STK11IP: variants seen among roughly 807,000 people sequenced by gnomAD.
STK11IP encodes serine/threonine kinase 11 interacting protein, also known as serine/threonine-protein kinase 11-interacting protein.
STK11IP carries 103 observed loss-of-function variants against 131.7 expected under a neutral mutation model. The ratio of observed to expected loss-of-function variants is 0.78; its 90% CI spans 0.67 to 0.92. STK11IP has a LOEUF of 0.92. Ranked by LOEUF, STK11IP falls within the 40% of genes least tolerant of loss-of-function variation. STK11IP has a pLI of 0.00. For missense variants in STK11IP, 1,315 were observed against 1,385.7 expected, an observed-to-expected ratio of 0.95 and a Z score of 0.81; for synonymous variants, 557 against 575.6, an observed-to-expected ratio of 0.97 and a Z score of 0.46.
At chr2:219,606,594 C>G (rs531208004) in intron 11 of STK11IP, 77 bp downstream of exon 11, 28 of 1,606,684 alleles carry the variant, frequency 1.7e-5, no homozygotes, top group Non-Finnish European at 2.3e-5. Context: ...AGAGGGCTGG[C>G]TGGTGACAGG....
chr2:219,611,900 G>C (rs1698408638), intron 18 of STK11IP, 55 bp from the exon 19 acceptor site: 5 of 1,575,146 alleles, frequency 3.2e-6, no homozygotes, highest in Non-Finnish European at 4.3e-6. Flanking sequence ...TGGGGAGGTG[G>C]AGATGGAGCC....
intron 13 of STK11IP, among the ~76,000 whole-genome samples, chr2:219,607,643 G>A (rs1420180053): frequency 1.3e-5 from 2 of 151,930 alleles, no homozygotes; most frequent in Admixed American, 6.6e-5. Flanking sequence ...TGGTGACAGA[G>A]TAAGACCTTA....
rs1180851236 is a variant in STK11IP at position 219,608,614 on chromosome 2, C to T, written c.1635C>T (p.Pro545=). 7 of 1,609,420 alleles carry T rather than the reference C, an allele frequency of 4.3e-6. No individual in the cohort carries two copies. The highest frequency in any genetic ancestry group is 5.9e-6 in the Non-Finnish European group (7 of 1,177,266). ...AELCRPLLVC[P]LEGPEGVRGR... is the part of the protein sequence containing the mutation. Reference sequence around the variant, plus strand: ...TCTGTCGCCCCTTGTTGGTGTGTCCCCTGGAGGGGCCTGAGGGCGTACGGG... The same window carrying T: ...TCTGTCGCCCCTTGTTGGTGTGTCCTCTGGAGGGGCCTGAGGGCGTACGGG... The change falls in exon 15 of 25, where the codon CCC becomes CCT. Residue 545 remains proline, a synonymous_variant. Coordinates refer to ENST00000456909, the MANE Select transcript of STK11IP (RefSeq NM_052902.4).
chr2:219,607,871 C>T (rs902587881), intron 13 of STK11IP, among the ~76,000 whole-genome samples, 176 bp from the exon 14 acceptor site: 1 of 152,138 alleles, frequency 6.6e-6, no homozygotes, highest in African/African-American at 2.4e-5. Context: ...CATGTGACCA[C>T]AGGGTTCCAT....
chr2:219,607,270 T>C (rs972583742), intron 13 of STK11IP, 133 bp downstream of exon 13: 6 of 856,208 alleles, frequency 7.0e-6, no homozygotes, highest in Non-Finnish European at 1.1e-5. Flanking sequence ...CTTCTTAGTC[T>C]TTTTTCTTTT....
Position 219,605,593 on chromosome 2 carries a change from C to T in STK11IP, c.619-15C>T, listed in dbSNP as rs1326866695. 1.9e-6 allele frequency: 3 copies of T among 1,551,480 alleles called. No individual in the cohort carries two copies. Among genetic ancestry groups the T allele is most frequent in the African/African-American group, 2.7e-5 (2 of 73,022 alleles). Reference sequence around the variant, plus strand: ...GTCAACGAGATAATCTTTTTCTCCCCTGTACCCCTGCCAGGATTTGTGTGA... The same window carrying T: ...GTCAACGAGATAATCTTTTTCTCCCTTGTACCCCTGCCAGGATTTGTGTGA... On this transcript the variant is annotated splice_polypyrimidine_tract_variant and intron_variant, in intron 7 of 24. Transcript: ENST00000456909.
intron 2 of STK11IP, chr2:219,598,464 C>G: frequency 2.7e-6 from 1 of 372,336 alleles, no homozygotes; most frequent in East Asian, 4.6e-5. Flanking sequence ...AAAAGCCCCT[C>G]AGGACCAGGG....
Position 219,613,461 on chromosome 2 carries a change from GAGGTGGGGT to G in STK11IP, c.2537+237_2537+245del, listed in dbSNP as rs1419462477. 1.8e-3 allele frequency among the ~76,000 whole-genome samples: 32 copies of G among 17,642 alleles called. 3 individuals are homozygous for G. Among genetic ancestry groups the G allele is most frequent in the African/African-American group, 9.2e-3 (31 of 3,382 alleles). 11.6% of individuals were successfully genotyped at this position (17,642 alleles called of 152,430 possible). On this transcript the variant is annotated intron_variant, in intron 20 of 24. Transcript: ENST00000456909. ...GGGGGGAGGTGGGGTGAGTGGGGGGGAGGTGGGGTGAGTGGGGGGGACGTGGGGTGAGTG... is the reference window on the plus strand; with the variant it reads ...GGGGGGAGGTGGGGTGAGTGGGGGGGGAGTGGGGGGGACGTGGGGTGAGTG...
intron 17 of STK11IP, among the ~76,000 whole-genome samples, chr2:219,610,812 G>A (rs1698372496): frequency 6.6e-6 from 1 of 152,194 alleles, no homozygotes; most frequent in Non-Finnish European, 1.5e-5. Flanking sequence ...ACCAAGCAGA[G>A]GGCCTGGCAC....
In STK11IP at chr2:219,601,326, A is replaced by T. The variant is rs543870019; in HGVS notation, c.153A>T (p.Pro51=). 1 of 1,614,050 alleles carries T rather than the reference A, an allele frequency of 6.2e-7. No individual in the cohort carries two copies. Among genetic ancestry groups the T allele is most frequent in the Non-Finnish European group, 8.5e-7 (1 of 1,179,898 alleles). Reference sequence around the variant, plus strand: ...ACGTATTTGAGCTGCACCTGGGGCCATGGGGCCCTGGCCAGACAGGCTTTG... The same window carrying T: ...ACGTATTTGAGCTGCACCTGGGGCCTTGGGGCCCTGGCCAGACAGGCTTTG... ...LNHVFELHLG[P]WGPGQTGFVA... is the part of the protein sequence containing the mutation. The change falls in exon 3 of 25, where the codon CCA becomes CCT. Residue 51 remains proline (P), a synonymous_variant. Coordinates refer to ENST00000456909, the MANE Select transcript of STK11IP (RefSeq NM_052902.4).
rs767510249 is a variant in STK11IP, at chr2:219,608,619, A to G, written c.1640A>G (p.Glu547Gly). Reference protein sequence around the residue: ...LCRPLLVCPLEGPEGVRGREC... With the variant: ...LCRPLLVCPLGGPEGVRGREC... ...CGCCCCTTGTTGGTGTGTCCCCTGGAGGGGCCTGAGGGCGTACGGGGCAGG... is the reference window on the plus strand; with the variant it reads ...CGCCCCTTGTTGGTGTGTCCCCTGGGGGGGCCTGAGGGCGTACGGGGCAGG... Residue 547 changes from glutamate to glycine, a missense_variant, in exon 15 of 25, where the codon GAG (glutamate) becomes GGG (glycine). Coordinates refer to ENST00000456909, the MANE Select transcript of STK11IP (RefSeq NM_052902.4). The G allele has an allele frequency of 2.7e-5, 43 of 1,609,850 alleles. No homozygotes were observed. Among genetic ancestry groups the G allele is most frequent in the Non-Finnish European group, 3.3e-5 (39 of 1,177,558 alleles).
rs1698251980 is a variant in STK11IP, at chr2:219,608,057, G to A, written c.1230G>A (p.Val410=). The change falls in exon 14 of 25, where the codon GTG becomes GTA. Residue 410 remains valine, a synonymous_variant. Coordinates refer to ENST00000456909, the MANE Select transcript of STK11IP (RefSeq NM_052902.4). ...TLNPSPAGWF[V]QQHPELELMS... ...TCCCCTCCTGCCTAGGATGGTTCGTGCAGCAGCACCCGGAGCTGGAGCTCA... is the reference window on the plus strand; with the variant it reads ...TCCCCTCCTGCCTAGGATGGTTCGTACAGCAGCACCCGGAGCTGGAGCTCA... 1 of 1,611,554 alleles carries A rather than the reference G, an allele frequency of 6.2e-7. No homozygotes were observed.
At chr2:219,615,586 AC>A in intron 24 of STK11IP, 2 of 659,042 alleles carry the variant, frequency 3.0e-6, no homozygotes, top group Non-Finnish European at 5.5e-6. Context: ...TAGCTGGGCC[AC>A]GAGGCTTTCA....
rs754948689 is a variant in STK11IP, at chr2:219,597,901, G to A, written c.-49G>A. The A allele has an allele frequency of 3.2e-5, 52 of 1,611,214 alleles. No homozygotes were observed. The highest frequency in any genetic ancestry group is 4.0e-5 in the Non-Finnish European group (47 of 1,178,808). ...TAGGCGCCGGGCAGCTGAGCTGGTA[G>A]GAGGACCAGACGGGGAGGTTCGGTA... On this transcript the variant is annotated 5_prime_UTR_variant, in exon 1 of 25. Transcript: ENST00000456909.
chr2:219,605,540 G>C (rs1237209798), intron 7 of STK11IP, 68 bp from the exon 8 acceptor site: 4 of 1,515,574 alleles, frequency 2.6e-6, no homozygotes, highest in Non-Finnish European at 3.6e-6. Context: ...GTCCAGAAGA[G>C]GTCTCAGAGG....
intron 7 of STK11IP, among the ~76,000 whole-genome samples, chr2:219,603,036 GTTT>G (rs750626798): frequency 3.6e-4 from 43 of 118,742 alleles, no homozygotes; most frequent in African/African-American, 1.5e-3. Context: ...AGAGTACCTG[GTTT>G]TTTTTTTTTT....
At chr2:219,612,160 C>T in intron 19 of STK11IP, 102 bp downstream of exon 19, 1 of 1,086,430 alleles carries the variant, frequency 9.2e-7, no homozygotes, top group South Asian at 1.4e-5. Flanking sequence ...GAGACCTGAT[C>T]TGGCTTCTGG....
rs1698544012 is a variant in STK11IP, at chr2:219,615,449, G to A, written c.3117+108G>A. The A allele has an allele frequency of 5.7e-6, 8 of 1,411,884 alleles. No homozygotes were observed. The South Asian group carries it at 9.8e-5, about 17-fold the overall frequency. The allele number at this position is 1,411,884 out of a possible 1,614,324, so 87.5% of individuals were successfully genotyped here. ...GGTCTAGGAACCCTGGGCATTGGTGGCAGGATGGCACTTACAGATGAGAGA... is the reference window on the plus strand; with the variant it reads ...GGTCTAGGAACCCTGGGCATTGGTGACAGGATGGCACTTACAGATGAGAGA... On this transcript the variant is annotated intron_variant, in intron 24 of 24. Coordinates refer to ENST00000456909, the MANE Select transcript of STK11IP (RefSeq NM_052902.4).
chr2:219,607,977 C>T (rs1165923301), intron 13 of STK11IP, 70 bp from the exon 14 acceptor site: 4 of 1,551,176 alleles, frequency 2.6e-6, no homozygotes, highest in Non-Finnish European at 2.6e-6. Context: ...CGCTGAGGAG[C>T]ACCGTTGAAG....
Sources: allele counts gnomAD v4.1 joint callset (sites outside exome capture counted in the v4.1 genomes callset), GRCh38; gene constraint gnomAD v4.1.1; transcripts MANE v1.5; gene names NCBI Gene and HGNC (gene_info 2026-07-23, HGNC 2026-07-21).